Variants in ASTN1 observed in about 807,000 individuals in gnomAD.
The protein encoded by ASTN1 is astrotactin-1.
In ASTN1, 41 loss-of-function variants were observed where a neutral mutation model predicts 140.7. That is an observed-to-expected ratio of 0.29 (90% CI 0.23 to 0.38). ASTN1 has a LOEUF of 0.38. ASTN1 is among the 10% of genes least tolerant of loss of function. ASTN1 has a pLI of 1.00. For synonymous variants in ASTN1, 640 were observed against 652.2 expected, an observed-to-expected ratio of 0.98 and a Z score of 0.29; for missense variants, 1,479 against 1,678.8, an observed-to-expected ratio of 0.88 and a Z score of 2.08.
At chr1:177,023,654 C>T (rs1171858616) in intron 6 of ASTN1, 83 bp from the exon 7 acceptor site, 8 of 1,381,168 alleles carry the variant, frequency 5.8e-6, no homozygotes, top group Non-Finnish European at 7.7e-6. Context: ...GAAATCCCAA[C>T]CTGAGAATTA....
intron 1 of ASTN1, among the ~76,000 whole-genome samples, chr1:177,143,780 A>C (rs912382500): frequency 2.0e-5 from 3 of 152,160 alleles, no homozygotes; most frequent in Admixed American, 6.5e-5. Flanking sequence ...ATATATGTTT[A>C]AATATTATAG....
intron 1 of ASTN1, among the ~76,000 whole-genome samples, chr1:177,149,520 TATATATATAGTAA>T (rs1194610429): frequency 4.3e-3 from 328 of 76,746 alleles, no homozygotes; most frequent in Middle Eastern, 0.03. Context: ...ATATATATAG[TATATATATAGTAA>T]ATATATATAG....
intron 16 of ASTN1, among the ~76,000 whole-genome samples, chr1:176,918,514 C>T (rs1670590042): frequency 6.6e-6 from 1 of 152,158 alleles, no homozygotes; most frequent in Non-Finnish European, 1.5e-5. Flanking sequence ...GGCACTTCTA[C>T]ATCATCAACT....
chr1:176,972,774 T>C (rs1489445803), intron 8 of ASTN1, among the ~76,000 whole-genome samples: 2 of 152,236 alleles, frequency 1.3e-5, no homozygotes, highest in Admixed American at 1.3e-4. Flanking sequence ...ATTTATAATT[T>C]TTTATACAGA....
intron 1 of ASTN1, among the ~76,000 whole-genome samples, chr1:177,113,887 T>C (rs1680945297): frequency 1.3e-5 from 2 of 152,310 alleles, no homozygotes; most frequent in South Asian, 4.1e-4. Flanking sequence ...AAAAGACATA[T>C]GTCTCTACAT....
At position 177,118,345 on chromosome 1, in the gene ASTN1, C is replaced by T. The variant is rs182537102; in HGVS notation, c.283+46049G>A. 1.8e-4 allele frequency among the ~76,000 whole-genome samples: 27 copies of T among 152,160 alleles called. No homozygotes were observed. The East Asian group carries it at 4.4e-3, about 25-fold the overall frequency. ...GACAGGTGTTATTTTTCAATTATCA[C>T]GAATTAACATGCACAGAGTGTTCAT... On this transcript the variant is annotated intron_variant, in intron 1 of 22. Transcript: ENST00000361833.
chr1:177,086,775 T>C (rs1019580925), intron 1 of ASTN1, among the ~76,000 whole-genome samples: 1 of 152,246 alleles, frequency 6.6e-6, no homozygotes, highest in Non-Finnish European at 1.5e-5. Context: ...TTGTGGGTGA[T>C]TTAAAAATTC....
chr1:177,109,680 T>C (rs1362167896), intron 1 of ASTN1, among the ~76,000 whole-genome samples: 2 of 152,234 alleles, frequency 1.3e-5, no homozygotes, highest in African/African-American at 2.4e-5. Flanking sequence ...CAAGAGACCA[T>C]GGAATATCCT....
intron 8 of ASTN1, among the ~76,000 whole-genome samples, chr1:176,981,211 CAAAAAAAAAAAAAAAAAAA>C (rs35209486): frequency 4.2e-5 from 1 of 24,058 alleles, no homozygotes; most frequent in Admixed American, 7.9e-4. Flanking sequence ...GACTCTGTCT[CAAAAAAAAAAAAAAAAAAA>C]AAAAAAAAAA....
At chr1:177,086,768 T>C (rs1679490685) in intron 1 of ASTN1, among the ~76,000 whole-genome samples, 1 of 152,232 alleles carries the variant, frequency 6.6e-6, no homozygotes, top group Non-Finnish European at 1.5e-5. Flanking sequence ...AATAGATTTG[T>C]GGGTGATTTA....
At chr1:177,048,125 T>C (rs552799798) in intron 2 of ASTN1, among the ~76,000 whole-genome samples, 1 of 152,234 alleles carries the variant, frequency 6.6e-6, no homozygotes, top group South Asian at 2.1e-4. Context: ...GAATCAAGCC[T>C]GATCAAAGAG....
At chr1:177,101,466 G>C (rs998616434) in intron 1 of ASTN1, among the ~76,000 whole-genome samples, 3 of 152,152 alleles carry the variant, frequency 2.0e-5, no homozygotes, top group Non-Finnish European at 4.4e-5. Context: ...CAAAAAGTTT[G>C]CTTTGTAAGG....
At chr1:177,024,821 CAG>C (rs1342921432) in intron 5 of ASTN1, 89 bp from the exon 6 acceptor site, 9 of 1,439,302 alleles carry the variant, frequency 6.3e-6, no homozygotes, top group South Asian at 2.6e-5. Flanking sequence ...TCCTGGCAAA[CAG>C]GGGAGACAGT....
chr1:177,053,293 C>A (rs1677630407), intron 2 of ASTN1, among the ~76,000 whole-genome samples: 3 of 152,178 alleles, frequency 2.0e-5, no homozygotes, highest in Admixed American at 6.5e-5. Context: ...AAGACATCAG[C>A]ATCCTTTTGA....
At chr1:177,124,224 G>C (rs1681534338) in intron 1 of ASTN1, among the ~76,000 whole-genome samples, 1 of 152,152 alleles carries the variant, frequency 6.6e-6, no homozygotes, top group Admixed American at 6.5e-5. Context: ...AGGATCCTCA[G>C]CCTGGCAGTG....
At chr1:176,990,227 C>T (rs1674093169) in intron 8 of ASTN1, among the ~76,000 whole-genome samples, 1 of 69,094 alleles carries the variant, frequency 1.4e-5, no homozygotes, top group African/African-American at 5.9e-5. Flanking sequence ...GCAGTGAAAG[C>T]ACAGCAGGGG....
intron 8 of ASTN1, among the ~76,000 whole-genome samples, chr1:176,997,999 C>A (rs960734324): frequency 2.0e-5 from 3 of 152,140 alleles, no homozygotes; most frequent in Non-Finnish European, 4.4e-5. Flanking sequence ...GCAGTTCAAT[C>A]GGGCTTTGAA....
intron 1 of ASTN1, among the ~76,000 whole-genome samples, chr1:177,156,079 G>C (rs944149105): frequency 2.6e-5 from 4 of 151,984 alleles, no homozygotes; most frequent in Non-Finnish European, 5.9e-5. Flanking sequence ...AGACCAGCCT[G>C]GCCAATATGG....
At chr1:177,031,189 TTATTA>T (rs1174727581) in intron 3 of ASTN1, among the ~76,000 whole-genome samples, 1 of 152,228 alleles carries the variant, frequency 6.6e-6, no homozygotes, top group Non-Finnish European at 1.5e-5. Flanking sequence ...AATTCAACTA[TTATTA>T]TATTATGTAT....
Sources: allele counts gnomAD v4.1 joint callset (sites outside exome capture counted in the v4.1 genomes callset), GRCh38; gene constraint gnomAD v4.1.1; transcripts MANE v1.5; gene names NCBI Gene and HGNC (gene_info 2026-07-23, HGNC 2026-07-21).